NUP58: variants seen among roughly 807,000 people sequenced by gnomAD.
NUP58 encodes nucleoporin p58/p45.
NUP58 carries 17 observed loss-of-function variants against 70.1 expected under a neutral mutation model. The ratio of observed to expected loss-of-function variants is 0.24; its 90% CI spans 0.17 to 0.36. NUP58 has a LOEUF of 0.36. NUP58 is among the 10% of genes least tolerant of loss of function. The probability of loss-of-function intolerance (pLI) is 1.00; values close to 1 mark genes in which losing one functional copy is unlikely to be tolerated. For synonymous variants in NUP58, 275 were observed against 257.6 expected (o/e 1.07, Z -0.65); for missense variants, 644 against 701.5 (o/e 0.92, Z 0.93).
intron 1 of NUP58, 24 bp downstream of exon 1, chr13:25,301,904 T>A (rs780834325): frequency 3.8e-5 from 58 of 1,517,964 alleles, no homozygotes; most frequent in Non-Finnish European, 5.1e-5. Flanking sequence ...CTCGCCTTCC[T>A]GGGCCGGATT....
At chr13:25,323,144 T>G (rs1160966503) in intron 9 of NUP58, among the ~76,000 whole-genome samples, 7 of 152,050 alleles carry the variant, frequency 4.6e-5, no homozygotes, top group Admixed American at 2.6e-4. Context: ...GTAGGGTGAA[T>G]GAAATAATAA....
In NUP58 at chr13:25,339,948, T is replaced by G; in HGVS notation, c.1631-17T>G. The G allele has an allele frequency of 2.6e-6, 4 of 1,548,072 alleles. No homozygotes were observed. Among genetic ancestry groups the G allele is most frequent in the Non-Finnish European group, 3.5e-6 (4 of 1,151,802 alleles). On this transcript the variant is annotated splice_polypyrimidine_tract_variant and intron_variant, in intron 15 of 15. Transcript: ENST00000381736. ...AATTCAACTTCTGATATGAATATTT[T>G]TTTCCCTAAACATAAGGCTTTGGCA...
At chr13:25,319,576 A>G (rs1228088861) in intron 7 of NUP58, among the ~76,000 whole-genome samples, 1 of 152,074 alleles carries the variant, frequency 6.6e-6, no homozygotes, top group Admixed American at 6.5e-5. Context: ...CTATTTCTGG[A>G]AAGGTGTTTG....
downstream of NUP58, among the ~76,000 whole-genome samples, chr13:25,344,251 T>C (rs894339031): frequency 6.6e-6 from 1 of 150,798 alleles, no homozygotes. Context: ...CTGAGAGATA[T>C]GTCTAGTCAG....
At chr13:25,339,651 A>G (rs2031895390) in intron 15 of NUP58, among the ~76,000 whole-genome samples, 1 of 152,184 alleles carries the variant, frequency 6.6e-6, no homozygotes, top group Non-Finnish European at 1.5e-5. Context: ...GGTGGGTCTA[A>G]GGAGGAAGGC....
intron 13 of NUP58, among the ~76,000 whole-genome samples, chr13:25,336,668 C>A (rs1229557376): frequency 1.8e-4 from 27 of 152,122 alleles, no homozygotes; most frequent in Admixed American, 1.8e-3. Flanking sequence ...AAACTAACGT[C>A]TTTCATTGCG....
In NUP58 at chr13:25,309,260, T is replaced by A. The variant is rs777405210; in HGVS notation, c.264T>A (p.Thr88=). 1 of 1,607,212 alleles carries A rather than the reference T, an allele frequency of 6.2e-7. No individual in the cohort carries two copies. The highest frequency in any genetic ancestry group is 8.5e-7 in the Non-Finnish European group (1 of 1,174,288). ...TTTTGTCCCCAGGAATAGCAACAAC[T>A]ATAACTACAGGATTAACTCTGGGTA... ...LGGTNTGIAT[T]ITTGLTLGTP... The change falls in exon 3 of 16, where the codon ACT becomes ACA. Residue 88 remains threonine, a synonymous_variant. Transcript: ENST00000381736.
At chr13:25,325,110 A>G in intron 10 of NUP58, 42 bp downstream of exon 10, 1 of 1,381,944 alleles carries the variant, frequency 7.2e-7, no homozygotes, top group Non-Finnish European at 1.0e-6. Flanking sequence ...TCTCACTTTC[A>G]GAAAGCAGAA....
chr13:25,332,470 C>T, intron 13 of NUP58: 10 of 983,268 alleles, frequency 1.0e-5, no homozygotes, highest in Non-Finnish European at 1.2e-5. Context: ...CTTAGTAATG[C>T]TTACTATTCA....
Position 25,320,574 on chromosome 13 carries a change from G to C in NUP58, c.755G>C (p.Cys252Ser). The C allele has an allele frequency of 6.2e-7, 1 of 1,610,092 alleles. No individual in the cohort carries two copies. Among genetic ancestry groups the C allele is most frequent in the Non-Finnish European group, 8.5e-7 (1 of 1,177,044 alleles). Residue 252 changes from cysteine to serine, a missense_variant, in exon 8 of 16, where the codon TGC becomes TCC. Around this residue, in one of 4 missense-constraint regions of NUP58, gnomAD observed 430 missense variants for 409.2 expected, o/e 1.05. Coordinates refer to ENST00000381736, the MANE Select transcript of NUP58 (RefSeq NM_014089.4). ...LKDENLPPVI[C>S]QDVENLQKFV... ...GATGAAAATCTACCTCCTGTCATCT[G>C]CCAGGATGTTGAAAATCTCCAGTAA...
chr13:25,344,302 C>G (rs890193196), downstream of NUP58, among the ~76,000 whole-genome samples: 17 of 152,130 alleles, frequency 1.1e-4, no homozygotes, highest in Admixed American at 2.0e-4. Flanking sequence ...TGATTTTAAG[C>G]AAGTTATGTA....
chr13:25,327,263 A>G (rs1593193124), intron 11 of NUP58, among the ~76,000 whole-genome samples, 167 bp from the exon 12 acceptor site: 2 of 152,194 alleles, frequency 1.3e-5, no homozygotes, highest in African/African-American at 2.4e-5. Flanking sequence ...TTTCTTTTGT[A>G]GACATTCAGT....
chr13:25,331,317 G>A (rs1360107223), intron 12 of NUP58, 40 bp from the exon 13 acceptor site: 21 of 1,571,584 alleles, frequency 1.3e-5, no homozygotes, highest in African/African-American at 2.7e-5. Flanking sequence ...CATAGTCAAT[G>A]TGAAACTTCA....
At chr13:25,302,708 A>G (rs1161093448) in intron 1 of NUP58, among the ~76,000 whole-genome samples, 3 of 152,224 alleles carry the variant, frequency 2.0e-5, no homozygotes, top group Admixed American at 6.5e-5. Flanking sequence ...ACTGTCAACA[A>G]GATACTTCCT....
chr13:25,344,142 T>C (rs2032021002), downstream of NUP58, among the ~76,000 whole-genome samples: 1 of 152,198 alleles, frequency 6.6e-6, no homozygotes, highest in Non-Finnish European at 1.5e-5. Flanking sequence ...TATGTTAATG[T>C]AATTGCTTAT....
intron 1 of NUP58, among the ~76,000 whole-genome samples, chr13:25,304,362 A>G (rs2030183195): frequency 6.6e-6 from 1 of 151,446 alleles, no homozygotes; most frequent in Non-Finnish European, 1.5e-5. Flanking sequence ...ACTGCCACCA[A>G]AATTTCTCTC....
intron 12 of NUP58, among the ~76,000 whole-genome samples, chr13:25,327,968 A>T (rs2031461131): frequency 6.6e-6 from 1 of 152,140 alleles, no homozygotes; most frequent in Non-Finnish European, 1.5e-5. Flanking sequence ...TGGGAGGCCG[A>T]GGCGGGCGAA....
At position 25,327,346 on chromosome 13, in the gene NUP58, A is replaced by G. The variant is rs80240940; in HGVS notation, c.1151-84A>G. ...TTTCTCCTACACGTTAACTGTGCCAAAAATTGGACTCAAATAGAAAAATAA... is the reference window on the plus strand; with the variant it reads ...TTTCTCCTACACGTTAACTGTGCCAGAAATTGGACTCAAATAGAAAAATAA... On this transcript the variant is annotated intron_variant, in intron 11 of 15. Transcript: ENST00000381736. 1,433 of 878,350 alleles carry G rather than the reference A, an allele frequency of 1.6e-3. 22 individuals are homozygous for G. The African/African-American group carries it at 0.022, about 13-fold the overall frequency. The allele number at this position is 878,350 out of a possible 1,614,324, so 54.4% of individuals were successfully genotyped here.
At chr13:25,319,179 A>G in intron 6 of NUP58, 147 bp from the exon 7 acceptor site, 1 of 756,620 alleles carries the variant, frequency 1.3e-6, no homozygotes, top group Non-Finnish European at 2.3e-6. Context: ...ATGATGAGTC[A>G]TGACATCACA....
Sources: allele counts gnomAD v4.1 joint callset (sites outside exome capture counted in the v4.1 genomes callset), GRCh38; gene constraint gnomAD v4.1.1; regional missense constraint gnomAD v4.1.1; transcripts MANE v1.5; gene names NCBI Gene and HGNC (gene_info 2026-07-23, HGNC 2026-07-21).